The following PRKN variants were observed in gnomAD, a reference collection of about 807,000 sequenced individuals.
PRKN encodes the protein E3 ubiquitin-protein ligase parkin.
A neutral mutation model predicts 59.5 loss-of-function variants in PRKN; 56 were observed. That is an observed-to-expected ratio of 0.94 (90% CI 0.76 to 1.18). The LOEUF (loss-of-function observed/expected upper bound fraction) is 1.18, where lower values mean the gene tolerates loss of function less well. Among genes scored for constraint, PRKN ranks in the 50% most tolerant of loss-of-function variants. PRKN has a pLI of 0.00. For synonymous variants in PRKN, 250 were observed against 222.1 expected (o/e 1.13, Z -1.12); for missense variants, 657 against 596.4 (o/e 1.10, Z -1.06).
chr6:161,752,088 G>T (rs1788718958), intron 7 of PRKN, among the ~76,000 whole-genome samples: 1 of 152,238 alleles, frequency 6.6e-6, no homozygotes, highest in Non-Finnish European at 1.5e-5. Context: ...TCCGTTTTGG[G>T]ACAGGGAACT....
At position 161,462,236 on chromosome 6, in the gene PRKN, A is replaced by C. The variant is rs1453529509; in HGVS notation, c.1084-75359T>G. On this transcript the variant is annotated intron_variant, in intron 9 of 11. Transcript: ENST00000366898. This position sits in a 1 kb window ranked among gnomAD's most constrained non-coding sequence, Gnocchi z 4.5. ...TAGTCCATCTAGAGAGATCAGATCA[A>C]AAGTGAGCCTGAATCATTTACATCT... Among the ~76,000 whole-genome samples the C allele has an allele frequency of 6.6e-6, 1 of 152,216 alleles. No homozygotes were observed. Among genetic ancestry groups the C allele is most frequent in the African/African-American group, 2.4e-5 (1 of 41,458 alleles).
At chr6:161,951,925 A>G (rs1780005194) in intron 6 of PRKN, among the ~76,000 whole-genome samples, 1 of 152,112 alleles carries the variant, frequency 6.6e-6, no homozygotes, top group Non-Finnish European at 1.5e-5. Flanking sequence ...CTTAAAAAAA[A>G]AAAAAAGAAA....
chr6:162,606,097 T>C (rs1029913677), intron 1 of PRKN, among the ~76,000 whole-genome samples: 1 of 152,148 alleles, frequency 6.6e-6, no homozygotes, highest in East Asian at 1.9e-4. Context: ...ATGAACAGAA[T>C]GTTTGAAGAA....
intron 2 of PRKN, among the ~76,000 whole-genome samples, chr6:162,414,726 A>AAAAAAAAAAAAAAAAAAAAAAAAAT (rs34838356): frequency 1.1e-5 from 1 of 91,870 alleles, no homozygotes; most frequent in Non-Finnish European, 2.1e-5. Context: ...AAAAAAAAAA[A>AAAAAAAAAAAAAAAAAAAAAAAAAT]AGTGAATCTT....
In PRKN at chr6:161,385,193, G is replaced by T. The variant is rs1055197427; in HGVS notation, c.1167+1601C>A. Among the ~76,000 whole-genome samples, 1 of 149,942 alleles carries T rather than the reference G, an allele frequency of 6.7e-6. No individual in the cohort carries two copies. The highest frequency in any genetic ancestry group is 1.5e-5 in the Non-Finnish European group (1 of 67,494). On this transcript the variant is annotated intron_variant, in intron 10 of 11. Coordinates refer to ENST00000366898, the MANE Select transcript of PRKN (RefSeq NM_004562.3). This position sits in a 1 kb window ranked among gnomAD's most constrained non-coding sequence, Gnocchi z 4.9. ...TCCGCCCACCTCGGCCTCCCAAAGT[G>T]CTGGGATTACAGGCATAAGCCACCT... is the stretch of plus-strand genomic sequence containing the variant.
chr6:161,830,011 A>G (rs1281304945), intron 6 of PRKN, among the ~76,000 whole-genome samples: 4 of 152,128 alleles, frequency 2.6e-5, no homozygotes, highest in African/African-American at 9.7e-5. Flanking sequence ...CTTCGGCTAC[A>G]CTGGCCCCTT....
intron 1 of PRKN, among the ~76,000 whole-genome samples, chr6:162,605,626 A>T (rs922563171): frequency 8.5e-5 from 13 of 152,182 alleles, no homozygotes; most frequent in Admixed American, 8.5e-4. Context: ...TTAAAGAAAC[A>T]GTGTAAGAGC....
At chr6:161,869,456 T>G (rs889717950) in intron 6 of PRKN, among the ~76,000 whole-genome samples, 1 of 152,176 alleles carries the variant, frequency 6.6e-6, no homozygotes, top group Non-Finnish European at 1.5e-5. Context: ...TTAAGAGCCC[T>G]GTGCTATGTT....
At chr6:161,947,966 T>G (rs1185634865) in intron 6 of PRKN, among the ~76,000 whole-genome samples, 2 of 152,138 alleles carry the variant, frequency 1.3e-5, no homozygotes. Flanking sequence ...TATCTTGAGA[T>G]GCAATTTCTT....
chr6:161,708,419 CT>C (rs967097784), intron 7 of PRKN, among the ~76,000 whole-genome samples: 1 of 149,752 alleles, frequency 6.7e-6, no homozygotes, highest in African/African-American at 2.5e-5. Context: ...CCCCAATTAC[CT>C]TTTTCTTTTC....
At position 161,357,001 on chromosome 6, in the gene PRKN, G is replaced by A. The variant is rs1384654491; in HGVS notation, c.1285+3087C>T. On this transcript the variant is annotated intron_variant, in intron 11 of 11. Coordinates refer to ENST00000366898, the MANE Select transcript of PRKN (RefSeq NM_004562.3). The surrounding 1 kb of genome is among the most constrained non-coding windows in gnomAD (Gnocchi z 5.5). ...AGTAAGTGCTGAACCAAACAACCAC[G>A]GAGGAGAGAAACAGAAAGCAACAGG... 1.3e-5 allele frequency among the ~76,000 whole-genome samples: 2 copies of A among 151,812 alleles called. No individual in the cohort carries two copies. Among genetic ancestry groups the A allele is most frequent in the African/African-American group, 2.4e-5 (1 of 41,274 alleles).
chr6:161,825,186 A>T (rs1023385968), intron 6 of PRKN, among the ~76,000 whole-genome samples: 11 of 152,166 alleles, frequency 7.2e-5, no homozygotes, highest in Admixed American at 3.9e-4. Flanking sequence ...ATGACCAAAA[A>T]TCATAGGAAA....
At chr6:162,479,305 A>G (rs930375823) in intron 1 of PRKN, among the ~76,000 whole-genome samples, 44 of 151,950 alleles carry the variant, frequency 2.9e-4, no homozygotes, top group Non-Finnish European at 2.2e-4. Flanking sequence ...GGCTCACTGA[A>G]ACCTCTGTAT....
At chr6:162,052,376 A>G (rs1483603371) in intron 5 of PRKN, among the ~76,000 whole-genome samples, 1 of 152,152 alleles carries the variant, frequency 6.6e-6, no homozygotes, top group Non-Finnish European at 1.5e-5. Flanking sequence ...TTTTTTAAAC[A>G]TATTAAGCAT....
chr6:161,646,862 T>C (rs987343976), intron 7 of PRKN, among the ~76,000 whole-genome samples: 3 of 152,226 alleles, frequency 2.0e-5, no homozygotes, highest in Non-Finnish European at 2.9e-5. Context: ...GATGGTTCCA[T>C]TGCTGTTCTA....
At chr6:162,363,029 G>A (rs1785228447) in intron 2 of PRKN, among the ~76,000 whole-genome samples, 1 of 150,848 alleles carries the variant, frequency 6.6e-6, no homozygotes, top group Admixed American at 6.6e-5. Context: ...TCGGGAGGCT[G>A]AGGCAGGAGA....
chr6:161,861,394 G>A (rs1793889900), intron 6 of PRKN, among the ~76,000 whole-genome samples: 1 of 152,086 alleles, frequency 6.6e-6, no homozygotes, highest in South Asian at 2.1e-4. Flanking sequence ...ATGGACACAG[G>A]GAGGGGAACT....
At chr6:162,135,468 C>T (rs933512244) in intron 4 of PRKN, among the ~76,000 whole-genome samples, 1 of 152,156 alleles carries the variant, frequency 6.6e-6, no homozygotes, top group South Asian at 2.1e-4. Context: ...ACTTCATTCA[C>T]CTATTAAGCT....
Position 162,635,699 on chromosome 6 carries a change from C to T in PRKN, c.7+91963G>A, listed in dbSNP as rs538885543. 1.4e-4 allele frequency among the ~76,000 whole-genome samples: 22 copies of T among 152,106 alleles called. No homozygotes were observed. In the South Asian group the frequency reaches 4.2e-3, roughly 29 times the overall value. On this transcript the variant is annotated intron_variant, in intron 1 of 11. Transcript: ENST00000366898. The stretch of plus-strand genomic sequence containing the variant: ...TATGATTTAAGAGTTTGTTGATTCT[C>T]AGTGGTAATCATATAAAAAACAGTT...
Sources: gnomAD v4.1 joint callset for allele counts (sites outside exome capture counted in the v4.1 genomes callset) on GRCh38, gnomAD v4.1.1 for gene constraint, Gnocchi (gnomAD v3.1) non-coding constraint, MANE v1.5 for transcripts, NCBI Gene and HGNC (gene_info 2026-07-23, HGNC 2026-07-21) for gene names.